The following CPNE4 variants were observed in gnomAD, a reference collection of about 807,000 sequenced individuals.
CPNE4 encodes the protein copine-4.
A neutral mutation model predicts 67.9 loss-of-function variants in CPNE4; 25 were observed. That is an observed-to-expected ratio of 0.37 (90% CI 0.27 to 0.51). CPNE4 has a LOEUF of 0.51. Ranked by LOEUF, CPNE4 falls within the 20% of genes least tolerant of loss-of-function variation. The probability of loss-of-function intolerance (pLI) is 0.93; values close to 1 mark genes in which losing one functional copy is unlikely to be tolerated. For missense variants in CPNE4, 464 were observed against 690.8 expected, an observed-to-expected ratio of 0.67 and a Z score of 3.68; for synonymous variants, 242 against 244.9, an observed-to-expected ratio of 0.99 and a Z score of 0.11.
intron 3 of CPNE4, among the ~76,000 whole-genome samples, chr3:131,705,889 A>C (rs1436154950): frequency 6.6e-6 from 1 of 152,130 alleles, no homozygotes; most frequent in Non-Finnish European, 1.5e-5. Flanking sequence ...CTCTTGGGTA[A>C]TGCCTTGTCA....
chr3:131,742,367 T>G (rs1368664246), intron 2 of CPNE4, among the ~76,000 whole-genome samples: 1 of 152,174 alleles, frequency 6.6e-6, no homozygotes, highest in African/African-American at 2.4e-5. Context: ...TTCTAAGGCC[T>G]TTAGACTGGG....
chr3:131,560,694 G>C (rs1936714132), intron 11 of CPNE4, among the ~76,000 whole-genome samples: 1 of 152,050 alleles, frequency 6.6e-6, no homozygotes, highest in South Asian at 2.1e-4. Flanking sequence ...CTTCCCGTGA[G>C]GTGTTTGGGG....
At chr3:132,015,334 A>G (rs1197001295) in intron 1 of CPNE4, among the ~76,000 whole-genome samples, 1 of 152,204 alleles carries the variant, frequency 6.6e-6, no homozygotes, top group African/African-American at 2.4e-5. Context: ...GAGAGCTTAC[A>G]GTGAGGCTTA....
chr3:131,939,090 A>G (rs992155325), intron 1 of CPNE4, among the ~76,000 whole-genome samples: 1 of 152,156 alleles, frequency 6.6e-6, no homozygotes, highest in African/African-American at 2.4e-5. Context: ...TACCATTCCG[A>G]ATTGTAAACG....
At chr3:131,598,374 C>T (rs1051917402) in intron 7 of CPNE4, among the ~76,000 whole-genome samples, 5 of 152,174 alleles carry the variant, frequency 3.3e-5, no homozygotes, top group Non-Finnish European at 7.4e-5. Context: ...GTTCCAAAGC[C>T]TGGGATAATT....
intron 2 of CPNE4, among the ~76,000 whole-genome samples, chr3:131,832,918 T>TA (rs1382626978): frequency 3.9e-5 from 6 of 152,168 alleles, no homozygotes; most frequent in African/African-American, 1.4e-4. Flanking sequence ...TATAGACTGT[T>TA]ACGCTCAGTC....
Position 131,651,005 on chromosome 3 carries a change from T to C in CPNE4, c.681+18670A>G, listed in dbSNP as rs116349459. On this transcript the variant is annotated intron_variant, in intron 7 of 15. Transcript: ENST00000429747. ...CTTAATCTATGTCTCACTTTCTTCA[T>C]CTGTAAAATTAGAATATTAATTCCT... 6.9e-3 allele frequency among the ~76,000 whole-genome samples: 1,057 copies of C among 152,286 alleles called. 11 individuals are homozygous for C. Among genetic ancestry groups the C allele is most frequent in the African/African-American group, 0.024 (999 of 41,550 alleles).
intron 2 of CPNE4, among the ~76,000 whole-genome samples, chr3:131,848,967 A>AAC (rs1156697083): frequency 2.7e-5 from 4 of 146,390 alleles, no homozygotes; most frequent in Non-Finnish European, 4.6e-5. Flanking sequence ...AAAAAAAAAA[A>AAC]AAAAAAAAAA....
rs200406433 is a variant in CPNE4 at position 131,679,365 on chromosome 3, TA to T, written c.591+6509del. Among the ~76,000 whole-genome samples the T allele has an allele frequency of 2.2e-3, 327 of 151,394 alleles. 1 individual carries two copies. Among genetic ancestry groups the T allele is most frequent in the South Asian group, 0.01 (49 of 4,768 alleles). On this transcript the variant is annotated intron_variant, in intron 6 of 15. Coordinates refer to ENST00000429747, the MANE Select transcript of CPNE4 (RefSeq NM_130808.3). ...AGCTAGTGGTCTACTATAATATTATTAAAAAAAAACCTGCTCCTGGATTCAT... is the reference window on the plus strand; with the variant it reads ...AGCTAGTGGTCTACTATAATATTATTAAAAAAAACCTGCTCCTGGATTCAT...
chr3:131,693,243 T>C (rs1191690316), intron 5 of CPNE4, among the ~76,000 whole-genome samples: 1 of 152,192 alleles, frequency 6.6e-6, no homozygotes, highest in African/African-American at 2.4e-5. Context: ...AAACTTTTGG[T>C]CTTAAGACCC....
At chr3:131,575,030 T>G in intron 10 of CPNE4, 41 bp downstream of exon 10, 1 of 1,573,132 alleles carries the variant, frequency 6.4e-7, no homozygotes, top group Non-Finnish European at 8.7e-7. Context: ...ATCTCTTGAT[T>G]CCTGAATAAG....
At chr3:131,652,955 C>T (rs1326805655) in intron 7 of CPNE4, among the ~76,000 whole-genome samples, 1 of 152,170 alleles carries the variant, frequency 6.6e-6, no homozygotes, top group African/African-American at 2.4e-5. Context: ...TCATCTTTCT[C>T]ATCCCAAACC....
chr3:131,763,740 T>C (rs2082945851), intron 2 of CPNE4, among the ~76,000 whole-genome samples: 1 of 152,000 alleles, frequency 6.6e-6, no homozygotes. Flanking sequence ...TGGAGGAAAA[T>C]TCAACAATAT....
At chr3:131,663,384 T>C (rs1028221306) in intron 7 of CPNE4, among the ~76,000 whole-genome samples, 2 of 151,962 alleles carry the variant, frequency 1.3e-5, no homozygotes, top group Non-Finnish European at 2.9e-5. Context: ...ACCCAGATGA[T>C]GGGTTGATAA....
chr3:131,682,998 GA>G (rs1190340439), intron 6 of CPNE4, among the ~76,000 whole-genome samples: 1 of 152,078 alleles, frequency 6.6e-6, no homozygotes, highest in Non-Finnish European at 1.5e-5. Flanking sequence ...AGCTTGTGGT[GA>G]ATGCTCCCAG....
chr3:131,874,377 C>A (rs2087350889), intron 2 of CPNE4, among the ~76,000 whole-genome samples: 1 of 152,142 alleles, frequency 6.6e-6, no homozygotes. Context: ...CGTGAGCCAC[C>A]GCGCCTGGCC....
chr3:131,616,199 A>G (rs1288119161), intron 7 of CPNE4, among the ~76,000 whole-genome samples: 1 of 152,170 alleles, frequency 6.6e-6, no homozygotes, highest in Non-Finnish European at 1.5e-5. Context: ...GACAGAGAAA[A>G]AGAATAAAGC....
chr3:131,573,030 A>T (rs1239752794), intron 10 of CPNE4, among the ~76,000 whole-genome samples: 1 of 152,140 alleles, frequency 6.6e-6, no homozygotes, highest in Non-Finnish European at 1.5e-5. Context: ...TTGAGCAATA[A>T]AACATTTAGA....
At chr3:132,026,030 G>T (rs1161324166) in intron 1 of CPNE4, among the ~76,000 whole-genome samples, 1 of 152,174 alleles carries the variant, frequency 6.6e-6, no homozygotes, top group Non-Finnish European at 1.5e-5. Flanking sequence ...ATACAACTAT[G>T]TGCAGTAGTA....
Sources: allele counts gnomAD v4.1 joint callset (sites outside exome capture counted in the v4.1 genomes callset), GRCh38; gene constraint gnomAD v4.1.1; transcripts MANE v1.5; gene names NCBI Gene and HGNC (gene_info 2026-07-23, HGNC 2026-07-21).